Variants in RBFOX1 observed in about 807,000 individuals in gnomAD.
RBFOX1 encodes the protein RNA binding fox-1 homolog 1, also known as RNA binding protein fox-1 homolog 1.
Under a neutral mutation model 57.7 loss-of-function variants are expected in RBFOX1, and 8 were observed. The observed-to-expected ratio is 0.14, with a 90% CI of 0.08 to 0.25. RBFOX1 has a LOEUF of 0.25. RBFOX1 is among the 10% of genes least tolerant of loss of function. The probability of loss-of-function intolerance (pLI) is 1.00; values close to 1 mark genes in which losing one functional copy is unlikely to be tolerated. For synonymous variants in RBFOX1, 326 were observed against 222.4 expected, an observed-to-expected ratio of 1.47 and a Z score of -4.15; for missense variants, 611 against 548.5, an observed-to-expected ratio of 1.11 and a Z score of -1.14.
intron 4 of RBFOX1, among the ~76,000 whole-genome samples, chr16:7,346,455 T>G (rs1478015378): frequency 6.6e-6 from 1 of 152,176 alleles, no homozygotes; most frequent in Non-Finnish European, 1.5e-5. Flanking sequence ...ACGCGTTTGA[T>G]AATGTCTCTG....
At chr16:7,572,741 AGGCAGGAGAAT>A (rs1374482646) in intron 5 of RBFOX1, among the ~76,000 whole-genome samples, 1 of 152,010 alleles carries the variant, frequency 6.6e-6, no homozygotes, top group Admixed American at 6.6e-5. Flanking sequence ...CGGGAGGCTG[AGGCAGGAGAAT>A]GGCGTGAACC....
intron 4 of RBFOX1, among the ~76,000 whole-genome samples, chr16:7,078,548 G>A (rs1035960583): frequency 3.3e-5 from 5 of 151,828 alleles, no homozygotes; most frequent in South Asian, 2.1e-4. Context: ...GGGTTTTGCC[G>A]TGTTGGCCAG....
chr16:7,022,746 A>T (rs1049830325), intron 3 of RBFOX1, among the ~76,000 whole-genome samples: 2 of 152,154 alleles, frequency 1.3e-5, no homozygotes, highest in Non-Finnish European at 1.5e-5. Flanking sequence ...AGTATGGGCC[A>T]AACAGTTTCC....
At chr16:7,363,062 C>T (rs2097360396) in intron 4 of RBFOX1, among the ~76,000 whole-genome samples, 1 of 152,140 alleles carries the variant, frequency 6.6e-6, no homozygotes, top group African/African-American at 2.4e-5. Context: ...AGTGTGGGGC[C>T]TGGATCATTG....
intron 1 of RBFOX1, among the ~76,000 whole-genome samples, chr16:6,166,540 G>C (rs1006935005): frequency 2.0e-5 from 3 of 152,034 alleles, no homozygotes; most frequent in African/African-American, 4.8e-5. Context: ...TTCTCAGGTA[G>C]ACAGTCTTCG....
chr16:7,652,587 T>C (rs748034760), intron 11 of RBFOX1, among the ~76,000 whole-genome samples: 6 of 152,168 alleles, frequency 3.9e-5, no homozygotes, highest in Admixed American at 6.5e-5. Flanking sequence ...TTTGTATTTT[T>C]AGTAGAGATG....
chr16:6,777,108 G>A (rs1022664805), intron 3 of RBFOX1, among the ~76,000 whole-genome samples: 2 of 152,102 alleles, frequency 1.3e-5, no homozygotes, highest in Middle Eastern at 3.2e-3. Context: ...AGTAAAATAC[G>A]AGTCTTGGGA....
At chr16:7,285,244 C>A (rs911221411) in intron 4 of RBFOX1, among the ~76,000 whole-genome samples, 1 of 151,824 alleles carries the variant, frequency 6.6e-6, no homozygotes, top group Admixed American at 6.6e-5. Context: ...ACAGAGAGTT[C>A]CAATGTACCC....
chr16:6,725,805 G>C (rs760776577), intron 3 of RBFOX1, among the ~76,000 whole-genome samples: 6 of 152,038 alleles, frequency 3.9e-5, no homozygotes, highest in Non-Finnish European at 8.8e-5. Context: ...TTCTGGCGCC[G>C]TGTGTGCTCT....
intron 4 of RBFOX1, among the ~76,000 whole-genome samples, chr16:7,433,529 C>G (rs2098698762): frequency 6.6e-6 from 1 of 152,208 alleles, no homozygotes; most frequent in African/African-American, 2.4e-5. Flanking sequence ...TGAAATCTTG[C>G]TGAAAGACTG....
At chr16:6,751,726 G>A (rs1164337607) in intron 3 of RBFOX1, among the ~76,000 whole-genome samples, 1 of 152,064 alleles carries the variant, frequency 6.6e-6, no homozygotes, top group Admixed American at 6.6e-5. Flanking sequence ...AGCCAGAAGC[G>A]GCATTTCCAG....
At chr16:5,794,836 A>T (rs2054822081) in intron 3 of RBFOX1, among the ~76,000 whole-genome samples, 1 of 152,306 alleles carries the variant, frequency 6.6e-6, no homozygotes, top group South Asian at 2.1e-4. Context: ...TCTCTTATGT[A>T]TTAGCCGCCA....
chr16:7,173,378 T>C (rs2081073597), intron 4 of RBFOX1, among the ~76,000 whole-genome samples: 1 of 152,218 alleles, frequency 6.6e-6, no homozygotes, highest in Non-Finnish European at 1.5e-5. Flanking sequence ...ACTGTCATGC[T>C]ATAAAACAGA....
At chr16:5,783,815 T>G (rs186712934) in intron 3 of RBFOX1, among the ~76,000 whole-genome samples, 8 of 152,274 alleles carry the variant, frequency 5.3e-5, no homozygotes, top group African/African-American at 1.7e-4. Flanking sequence ...GGCTCCCTAG[T>G]GCATATTTTG....
rs545390090 is a variant in RBFOX1, at chr16:6,938,195, A to G, written c.-15-113862A>G. The stretch of plus-strand genomic sequence containing the variant: ...TCTGGATTTACTTTCCTAGTGTAGA[A>G]TATAATCTGTCATTGTCCAGATTAG... On this transcript the variant is annotated intron_variant, in intron 3 of 15. Coordinates refer to ENST00000550418, the MANE Select transcript of RBFOX1 (RefSeq NM_018723.4). Among the ~76,000 whole-genome samples the G allele has an allele frequency of 2.0e-5, 3 of 152,318 alleles. No individual in the cohort carries two copies. The South Asian group carries it at 6.2e-4, about 32-fold the overall frequency.
rs1264643747 is a variant in RBFOX1 at position 7,504,751 on chromosome 16, ATATT to A, written c.28-13392_28-13389del. The stretch of plus-strand genomic sequence containing the variant: ...TATATATATATATATATATATATAT[ATATT>A]TATATATATATATATTTATATATAT... On this transcript the variant is annotated intron_variant, in intron 4 of 15. Coordinates refer to ENST00000550418, the MANE Select transcript of RBFOX1 (RefSeq NM_018723.4). 2.4e-3 allele frequency among the ~76,000 whole-genome samples: 14 copies of A among 5,858 alleles called. 1 individual carries two copies. Among genetic ancestry groups the A allele is most frequent in the Admixed American group, 4.3e-3 (2 of 460 alleles). The allele number at this position is 5,858 out of a possible 152,430, so 3.8% of individuals were successfully genotyped here.
intron 1 of RBFOX1, among the ~76,000 whole-genome samples, chr16:5,281,208 G>A (rs569311864): frequency 6.6e-5 from 10 of 152,110 alleles, no homozygotes; most frequent in Admixed American, 4.6e-4. Flanking sequence ...TCAATAGCAC[G>A]TTTAATGTCC....
intron 1 of RBFOX1, among the ~76,000 whole-genome samples, chr16:5,364,889 T>C (rs1292982216): frequency 6.6e-6 from 1 of 152,146 alleles, no homozygotes; most frequent in East Asian, 1.9e-4. Context: ...ACGCACCTGC[T>C]TGGGCTCCCT....
chr16:5,834,345 A>C (rs1222268179), intron 3 of RBFOX1, among the ~76,000 whole-genome samples: 2 of 152,192 alleles, frequency 1.3e-5, no homozygotes, highest in East Asian at 3.8e-4. Flanking sequence ...AAGTGAGAAC[A>C]TGAGGTATTT....
Sources: allele counts gnomAD v4.1 joint callset (sites outside exome capture counted in the v4.1 genomes callset), GRCh38; gene constraint gnomAD v4.1.1; transcripts MANE v1.5; gene names NCBI Gene and HGNC (gene_info 2026-07-23, HGNC 2026-07-21).